Variants in CREG1 observed in about 807,000 individuals in gnomAD.
CREG1 encodes cellular repressor of E1A stimulated genes 1, also known as protein CREG1.
In CREG1, 20 loss-of-function variants were observed where a neutral mutation model predicts 19.9. The ratio of observed to expected loss-of-function variants is 1.01; its 90% CI spans 0.71 to 1.46. CREG1 has a LOEUF of 1.46. Among genes scored for constraint, CREG1 ranks in the 40% most tolerant of loss-of-function variants. The probability of loss-of-function intolerance (pLI) is 0.00; values close to 1 mark genes in which losing one functional copy is unlikely to be tolerated. For missense variants in CREG1, 290 were observed against 314.9 expected (o/e 0.92, Z 0.60); for synonymous variants, 141 against 143.3 (o/e 0.98, Z 0.12).
intron 2 of CREG1, 114 bp downstream of exon 2, chr1:167,547,888 T>G: frequency 2.4e-6 from 3 of 1,245,250 alleles, no homozygotes; most frequent in Non-Finnish European, 3.4e-6. Context: ...ACCACTGCAC[T>G]CCAGCCTGGG....
intron 1 of CREG1, among the ~76,000 whole-genome samples, chr1:167,548,580 T>C (rs972630751): frequency 5.9e-5 from 9 of 152,240 alleles, no homozygotes; most frequent in Non-Finnish European, 1.2e-4. Flanking sequence ...TATCTTACAT[T>C]AGCAGAAACT....
At chr1:167,550,585 G>A (rs760542082) in intron 1 of CREG1, among the ~76,000 whole-genome samples, 55 of 152,166 alleles carry the variant, frequency 3.6e-4, no homozygotes, top group Non-Finnish European at 6.3e-4. Flanking sequence ...GATTTGGGGA[G>A]GCAGTGAGAA....
chr1:167,545,372 T>C (rs1656299273), intron 3 of CREG1, among the ~76,000 whole-genome samples: 2 of 152,174 alleles, frequency 1.3e-5, no homozygotes, highest in Admixed American at 6.5e-5. Flanking sequence ...TCTAACTGAA[T>C]GTATCATTTC....
intron 3 of CREG1, among the ~76,000 whole-genome samples, chr1:167,542,701 A>G (rs921028026): frequency 2.6e-5 from 4 of 152,242 alleles, no homozygotes; most frequent in African/African-American, 9.6e-5. Context: ...AGGGCAGAAG[A>G]GCAGTGATTA....
chr1:167,551,626 T>C (rs184121334), intron 1 of CREG1, among the ~76,000 whole-genome samples: 4 of 152,348 alleles, frequency 2.6e-5, no homozygotes. Flanking sequence ...AATATGATTA[T>C]GTATTGGTCA....
At chr1:167,549,779 G>A (rs1373852181) in intron 1 of CREG1, among the ~76,000 whole-genome samples, 1 of 151,918 alleles carries the variant, frequency 6.6e-6, no homozygotes, top group East Asian at 1.9e-4. Context: ...CAACCTCCAG[G>A]GCTCATGTGA....
At position 167,553,754 on chromosome 1, in the gene CREG1, A is replaced by G. The variant is rs1277705460; in HGVS notation, c.-13T>C. The G allele has an allele frequency of 3.2e-6, 4 of 1,251,224 alleles. No individual in the cohort carries two copies. Among genetic ancestry groups the G allele is most frequent in the East Asian group, 3.2e-5 (1 of 31,704 alleles). 77.5% of individuals were successfully genotyped at this position (1,251,224 alleles called of 1,614,324 possible). A position where few individuals can be genotyped will look rare whatever the true frequency, so the allele number is the denominator to read the frequency against. On this transcript the variant is annotated 5_prime_UTR_variant, in exon 1 of 4. Coordinates refer to ENST00000370509, the MANE Select transcript of CREG1 (RefSeq NM_003851.3). ...ATAGCCCGGCCATGGCGGTGTCTCCAGGAAGAGTCCCGGGCCCCAAGACCT... is the reference window on the plus strand; with the variant it reads ...ATAGCCCGGCCATGGCGGTGTCTCCGGGAAGAGTCCCGGGCCCCAAGACCT...
chr1:167,547,118 T>C (rs1307031553), intron 2 of CREG1, among the ~76,000 whole-genome samples: 3 of 152,232 alleles, frequency 2.0e-5, no homozygotes, highest in Non-Finnish European at 4.4e-5. Flanking sequence ...GTCTGAGGCA[T>C]TAATGATTGA....
intron 1 of CREG1, among the ~76,000 whole-genome samples, chr1:167,548,542 A>T (rs1656368525): frequency 6.6e-6 from 1 of 152,256 alleles, no homozygotes; most frequent in Non-Finnish European, 1.5e-5. Flanking sequence ...GATTTAAGCA[A>T]GAAAGTAGCT....
Position 167,548,027 on chromosome 1 carries a change from A to G in CREG1, c.449T>C (p.Ile150Thr). ...FDPQSPLCVH[I>T]MLSGTVTKVN... ...CTTGGTCACAGTTCCTGACAGCATTATGTGAACACAAAGGGGACTTTGTGG... is the reference window on the plus strand; with the variant it reads ...CTTGGTCACAGTTCCTGACAGCATTGTGTGAACACAAAGGGGACTTTGTGG... Residue 150 changes from isoleucine (I) to threonine (T), a missense_variant, in exon 2 of 4, where the codon ATA becomes ACA. By Grantham distance (89) the Ile-to-Thr change is moderately conservative. Transcript: ENST00000370509. 6.2e-7 allele frequency: 1 copy of G among 1,613,830 alleles called. No homozygotes were observed. Among genetic ancestry groups the G allele is most frequent in the Non-Finnish European group, 8.5e-7 (1 of 1,179,714 alleles).
intron 1 of CREG1, among the ~76,000 whole-genome samples, chr1:167,549,473 C>A (rs1045536621): frequency 9.9e-5 from 15 of 151,646 alleles, no homozygotes; most frequent in African/African-American, 3.6e-4. Context: ...CAACCTCCAA[C>A]TCCCAAGTTC....
rs1240009776 is a variant in CREG1, at chr1:167,553,746, G to A, written c.-5C>T. 1.6e-6 allele frequency: 2 copies of A among 1,274,216 alleles called. No homozygotes were observed. The highest frequency in any genetic ancestry group is 3.0e-4 in the Middle Eastern group (1 of 3,344). 78.9% of individuals were successfully genotyped at this position (1,274,216 alleles called of 1,614,324 possible). ...CCCGCGGGATAGCCCGGCCATGGCG[G>A]TGTCTCCAGGAAGAGTCCCGGGCCC... On this transcript the variant is annotated 5_prime_UTR_variant, in exon 1 of 4. Transcript: ENST00000370509.
At chr1:167,552,111 T>C (rs754239337) in intron 1 of CREG1, among the ~76,000 whole-genome samples, 4 of 152,148 alleles carry the variant, frequency 2.6e-5, no homozygotes, top group Non-Finnish European at 5.9e-5. Context: ...CACCAGCCTG[T>C]GATAGGTGGT....
intron 1 of CREG1, among the ~76,000 whole-genome samples, chr1:167,549,509 C>T (rs372624275): frequency 5.3e-5 from 8 of 151,976 alleles, no homozygotes; most frequent in African/African-American, 1.9e-4. Context: ...CTCAGCCTCC[C>T]GAGTAGCTGG....
rs1656459104 is a variant in CREG1, at chr1:167,553,458, G to T, written c.284C>A (p.Pro95His). ...GGGCACGCCGCTGCCCGCGCCCGGG[G>T]GCCCGTCGCTGAGCGAGAGGACGTC... ...FADVLSLSDGPPGAGSGVPYF... is the reference protein window; with the variant it reads ...FADVLSLSDGHPGAGSGVPYF... The change falls in exon 1 of 4, where the codon CCC becomes CAC. Residue 95 changes from proline to histidine, a missense_variant. Physicochemically the swap from Pro to His is moderately conservative, Grantham distance 77. Coordinates refer to ENST00000370509, the MANE Select transcript of CREG1 (RefSeq NM_003851.3). 1 of 1,482,688 alleles carries T rather than the reference G, an allele frequency of 6.7e-7. No individual in the cohort carries two copies. The highest frequency in any genetic ancestry group is 8.9e-7 in the Non-Finnish European group (1 of 1,123,752). The allele number at this position is 1,482,688 out of a possible 1,614,324, so 91.8% of individuals were successfully genotyped here.
intron 3 of CREG1, among the ~76,000 whole-genome samples, chr1:167,544,246 A>C (rs1656279121): frequency 6.6e-6 from 1 of 152,164 alleles, no homozygotes; most frequent in African/African-American, 2.4e-5. Flanking sequence ...GTTTGTCTCA[A>C]GTAATGAGCC....
intron 1 of CREG1, among the ~76,000 whole-genome samples, chr1:167,553,078 G>A (rs1322750749): frequency 6.7e-6 from 1 of 150,328 alleles, no homozygotes; most frequent in East Asian, 1.9e-4. Context: ...GAGAATAGGA[G>A]CACAGTTAAT....
intron 1 of CREG1, among the ~76,000 whole-genome samples, chr1:167,549,022 C>T (rs184319813): frequency 9.1e-4 from 139 of 152,230 alleles, no homozygotes; most frequent in African/African-American, 3.3e-3. Context: ...CAGCATAGAC[C>T]AGAGTGATAG....
intron 1 of CREG1, among the ~76,000 whole-genome samples, 187 bp from the exon 2 acceptor site, chr1:167,548,308 G>C (rs541979271): frequency 3.9e-5 from 6 of 152,146 alleles, no homozygotes; most frequent in East Asian, 1.9e-4. Flanking sequence ...CTCCCCAAAG[G>C]GGGTGCGGGG....
Sources: gnomAD v4.1 joint callset for allele counts (sites outside exome capture counted in the v4.1 genomes callset) on GRCh38, gnomAD v4.1.1 for gene constraint, MANE v1.5 for transcripts, NCBI Gene and HGNC (gene_info 2026-07-23, HGNC 2026-07-21) for gene names.